CELF4: variants seen among roughly 807,000 people sequenced by gnomAD.
The protein encoded by CELF4 is CUG-BP- and ETR-3-like factor 4.
A neutral mutation model predicts 59.9 loss-of-function variants in CELF4; 18 were observed. The observed-to-expected ratio is 0.30, with a 90% confidence interval of 0.21 to 0.45. The LOEUF (loss-of-function observed/expected upper bound fraction) is 0.45. CELF4 is among the 20% of genes least tolerant of loss of function. The pLI is 1.00. For missense variants in CELF4, 456 were observed against 689.0 expected (o/e 0.66, Z 3.79); for synonymous variants, 261 against 267.1 (o/e 0.98, Z 0.22).
chr18:37,323,666 ATTC>A (rs1255671401), intron 2 of CELF4, among the ~76,000 whole-genome samples: 1 of 152,122 alleles, frequency 6.6e-6, no homozygotes, highest in Non-Finnish European at 1.5e-5. Context: ...AACCTGTAGC[ATTC>A]TTCTCCCCCA....
intron 2 of CELF4, among the ~76,000 whole-genome samples, chr18:37,453,131 C>G (rs1382923703): frequency 6.6e-6 from 1 of 152,266 alleles, no homozygotes; most frequent in African/African-American, 2.4e-5. Flanking sequence ...TGGCCCCCTC[C>G]TTTTCTCTGC....
chr18:37,274,143 A>G, intron 6 of CELF4, 168 bp downstream of exon 6: 2 of 1,433,898 alleles, frequency 1.4e-6, no homozygotes, highest in South Asian at 3.1e-5. Flanking sequence ...CTTCTTTCAA[A>G]CCCTTCTGAA....
At chr18:37,285,020 C>T (rs888968407) in intron 3 of CELF4, among the ~76,000 whole-genome samples, 6 of 152,170 alleles carry the variant, frequency 3.9e-5, no homozygotes, top group African/African-American at 9.7e-5. Flanking sequence ...TCCATCTCTG[C>T]ACAGACCACT....
chr18:37,545,670 A>C (rs2099981017), intron 1 of CELF4, among the ~76,000 whole-genome samples: 1 of 152,038 alleles, frequency 6.6e-6, no homozygotes, highest in Non-Finnish European at 1.5e-5. Flanking sequence ...TCAAGCCTGG[A>C]TGGAGGCAGT....
chr18:37,282,395 C>CTGGTA (rs2094256710), intron 3 of CELF4, among the ~76,000 whole-genome samples: 2 of 152,166 alleles, frequency 1.3e-5, no homozygotes, highest in African/African-American at 4.8e-5. Context: ...ACTGAGCATC[C>CTGGTA]CTACATGGCA....
At chr18:37,501,405 G>C (rs1323184481) in intron 1 of CELF4, among the ~76,000 whole-genome samples, 6 of 152,238 alleles carry the variant, frequency 3.9e-5, no homozygotes, top group Non-Finnish European at 5.9e-5. Context: ...TGGAGCCCCA[G>C]ACCCTGGCAG....
chr18:37,378,527 C>T (rs550048594), intron 2 of CELF4, among the ~76,000 whole-genome samples: 25 of 152,308 alleles, frequency 1.6e-4, no homozygotes, highest in African/African-American at 2.9e-4. Flanking sequence ...TATTAACAAC[C>T]GCATCCTTCT....
At chr18:37,508,598 C>T (rs1261864521) in intron 1 of CELF4, among the ~76,000 whole-genome samples, 2 of 152,250 alleles carry the variant, frequency 1.3e-5, no homozygotes, top group Non-Finnish European at 2.9e-5. Flanking sequence ...GTTCTCCACG[C>T]TGACAAATGC....
chr18:37,505,054 G>C (rs1424189547), intron 1 of CELF4, among the ~76,000 whole-genome samples: 1 of 151,898 alleles, frequency 6.6e-6, no homozygotes, highest in African/African-American at 2.4e-5. Context: ...GACTGAGAAA[G>C]GCAGGAGAAG....
chr18:37,550,257 T>C lies in CELF4; in HGVS notation c.286+15099A>G, dbSNP rs572737831. Among the ~76,000 whole-genome samples the C allele has an allele frequency of 1.0e-3, 155 of 152,328 alleles. 2 individuals carry two copies. The highest frequency in any genetic ancestry group is 3.2e-3 in the African/African-American group (134 of 41,578). Reference sequence around the variant, plus strand: ...TAGGGCTTGCAGTGGCCCCTGTGTCTGCTGATTAGCTGGAGATTATATTGA... The same window carrying C: ...TAGGGCTTGCAGTGGCCCCTGTGTCCGCTGATTAGCTGGAGATTATATTGA... On this transcript the variant is annotated intron_variant, in intron 1 of 12. Transcript: ENST00000420428.
At chr18:37,452,822 G>A (rs1461895143) in intron 2 of CELF4, among the ~76,000 whole-genome samples, 4 of 151,750 alleles carry the variant, frequency 2.6e-5, no homozygotes, top group Admixed American at 2.0e-4. Context: ...CATCTCCTTC[G>A]CCTCTGCATA....
intron 1 of CELF4, among the ~76,000 whole-genome samples, chr18:37,552,262 C>T (rs1318470288): frequency 6.6e-6 from 1 of 152,240 alleles, no homozygotes; most frequent in Non-Finnish European, 1.5e-5. Context: ...GAGCCTGACA[C>T]TCAGGGCACC....
At chr18:37,248,494 G>A (rs2063442918) in intron 12 of CELF4, among the ~76,000 whole-genome samples, 1 of 152,120 alleles carries the variant, frequency 6.6e-6, no homozygotes, top group East Asian at 1.9e-4. Context: ...GGGGCACAGA[G>A]GCGAGCGCCT....
chr18:37,546,388 G>GCACA (rs2099981429), intron 1 of CELF4, among the ~76,000 whole-genome samples: 4 of 144,892 alleles, frequency 2.8e-5, no homozygotes, highest in Middle Eastern at 3.5e-3. Flanking sequence ...GCACATGTAT[G>GCACA]CGCACACACA....
intron 9 of CELF4, among the ~76,000 whole-genome samples, chr18:37,265,733 C>T (rs2077213092): frequency 6.6e-6 from 1 of 152,202 alleles, no homozygotes; most frequent in African/African-American, 2.4e-5. Flanking sequence ...ACAGCACCTC[C>T]TCTGGGCTCC....
chr18:37,554,224 C>G (rs547546607), intron 1 of CELF4, among the ~76,000 whole-genome samples: 1 of 152,280 alleles, frequency 6.6e-6, no homozygotes, highest in South Asian at 2.1e-4. Flanking sequence ...GGCTGGGGCT[C>G]TGCAAGGAAG....
chr18:37,563,239 C>T (rs2099987120), intron 1 of CELF4, among the ~76,000 whole-genome samples: 1 of 151,812 alleles, frequency 6.6e-6, no homozygotes, highest in African/African-American at 2.4e-5. Context: ...AGAAAAGAAA[C>T]CAAGGAATAT....
chr18:37,534,050 G>C (rs1305236537), intron 1 of CELF4, among the ~76,000 whole-genome samples: 4 of 152,238 alleles, frequency 2.6e-5, no homozygotes, highest in African/African-American at 9.6e-5. Context: ...GCTGGGCCCC[G>C]ATGGATTCCC....
chr18:37,321,698 G>T, intron 3 of CELF4, 105 bp downstream of exon 3: 1 of 782,252 alleles, frequency 1.3e-6, no homozygotes, highest in Non-Finnish European at 2.1e-6. Flanking sequence ...TCCCCAGAGG[G>T]GCAAGAGGAG....
Sources: gnomAD v4.1 joint callset for allele counts (sites outside exome capture counted in the v4.1 genomes callset) on GRCh38, gnomAD v4.1.1 for gene constraint, MANE v1.5 for transcripts, NCBI Gene and HGNC (gene_info 2026-07-23, HGNC 2026-07-21) for gene names.